The following PABPC4L variants were observed in gnomAD, a reference collection of about 807,000 sequenced individuals.
PABPC4L encodes the protein poly(A) binding protein cytoplasmic 4 like, also known as polyadenylate-binding protein 4-like.
For synonymous variants in PABPC4L, 169 were observed against 164.1 expected (o/e 1.03, Z -0.23); for missense variants, 452 against 451.4 (o/e 1.00, Z -0.01).
chr4:134,188,218 G>C, the PABPC4L span, among the ~76,000 whole-genome samples: 1 of 151,994 alleles, frequency 6.6e-6, no homozygotes, highest in Non-Finnish European at 1.5e-5. Flanking sequence ...CACTTCTGGT[G>C]TAATACAAGG....
At chr4:134,059,826 G>T in the PABPC4L span, among the ~76,000 whole-genome samples, 4 of 151,980 alleles carry the variant, frequency 2.6e-5, no homozygotes, top group African/African-American at 7.3e-5. Flanking sequence ...TCATCTCCCC[G>T]ACAGGAATAC....
At chr4:133,993,729 G>A in the PABPC4L span, among the ~76,000 whole-genome samples, 2 of 152,172 alleles carry the variant, frequency 1.3e-5, no homozygotes, top group Non-Finnish European at 2.9e-5. Flanking sequence ...AAAAATTGAT[G>A]TGATTGAGTG....
the PABPC4L span, among the ~76,000 whole-genome samples, chr4:134,152,843 T>C: frequency 2.0e-5 from 3 of 152,134 alleles, no homozygotes; most frequent in Non-Finnish European, 4.4e-5. Context: ...TCAGAATTGC[T>C]CCTGGTGAGG....
the PABPC4L span, among the ~76,000 whole-genome samples, chr4:134,118,497 G>C: frequency 1.1e-4 from 17 of 151,716 alleles, 1 homozygote; most frequent in African/African-American, 3.6e-4. Flanking sequence ...GACAGTCTAA[G>C]GCAACACTTA....
chr4:133,967,630 A>G, the PABPC4L span, among the ~76,000 whole-genome samples: 1 of 152,230 alleles, frequency 6.6e-6, no homozygotes, highest in African/African-American at 2.4e-5. Context: ...GATCAGGAAA[A>G]TGTTTAGTTG....
At chr4:134,093,965 C>A in the PABPC4L span, among the ~76,000 whole-genome samples, 1 of 151,434 alleles carries the variant, frequency 6.6e-6, no homozygotes, top group Non-Finnish European at 1.5e-5. Context: ...TTAAAAATTT[C>A]TTGCTGCCAT....
chr4:134,102,318 A>C, the PABPC4L span, among the ~76,000 whole-genome samples: 3 of 151,486 alleles, frequency 2.0e-5, no homozygotes, highest in Admixed American at 6.6e-5. Context: ...ATCTTAACTG[A>C]GCTCATAAAA....
At chr4:134,079,715 AAGAG>A in the PABPC4L span, among the ~76,000 whole-genome samples, 7 of 150,598 alleles carry the variant, frequency 4.6e-5, no homozygotes, top group South Asian at 2.1e-4. Flanking sequence ...GAGAGAGAGA[AAGAG>A]AGAGAGATTT....
At chr4:133,986,771 T>G in the PABPC4L span, among the ~76,000 whole-genome samples, 1 of 151,458 alleles carries the variant, frequency 6.6e-6, no homozygotes, top group Non-Finnish European at 1.5e-5. Flanking sequence ...AGTCTTACTC[T>G]GTCACCCAGG....
chr4:133,993,595 G>T, the PABPC4L span, among the ~76,000 whole-genome samples: 3 of 152,170 alleles, frequency 2.0e-5, no homozygotes, highest in Non-Finnish European at 4.4e-5. Context: ...GTCCTCTAGG[G>T]TTAATACCTG....
chr4:134,149,521 T>G, the PABPC4L span, among the ~76,000 whole-genome samples: 1 of 152,110 alleles, frequency 6.6e-6, no homozygotes, highest in East Asian at 1.9e-4. Context: ...GATTAGCAGA[T>G]AGGGGTTGCA....
At chr4:134,097,725 A>C in the PABPC4L span, among the ~76,000 whole-genome samples, 1 of 151,932 alleles carries the variant, frequency 6.6e-6, no homozygotes, top group Non-Finnish European at 1.5e-5. Context: ...CGACTCTAAC[A>C]AAACTTACAT....
chr4:134,133,601 G>A, the PABPC4L span, among the ~76,000 whole-genome samples: 1 of 151,296 alleles, frequency 6.6e-6, no homozygotes, highest in Admixed American at 6.6e-5. Flanking sequence ...AATCATCAAC[G>A]TCGTATGTTC....
chr4:134,155,048 G>T, the PABPC4L span, among the ~76,000 whole-genome samples: 1 of 152,026 alleles, frequency 6.6e-6, no homozygotes, highest in African/African-American at 2.4e-5. Context: ...AGTGATGTCA[G>T]TGTAGAAGCT....
chr4:134,144,706 T>C, the PABPC4L span, among the ~76,000 whole-genome samples: 2 of 151,758 alleles, frequency 1.3e-5, no homozygotes, highest in Non-Finnish European at 3.0e-5. Context: ...CTCGGGACCC[T>C]GCTGTTATTC....
At chr4:134,079,703 GAGAGAGAGAGAA>G in the PABPC4L span, among the ~76,000 whole-genome samples, 7 of 151,128 alleles carry the variant, frequency 4.6e-5, no homozygotes, top group South Asian at 1.3e-3. Flanking sequence ...GTGTGAGAGA[GAGAGAGAGAGAA>G]AGAGAGAGAG....
the PABPC4L span, among the ~76,000 whole-genome samples, chr4:134,191,241 A>G: frequency 6.6e-6 from 1 of 152,074 alleles, no homozygotes; most frequent in Non-Finnish European, 1.5e-5. Context: ...GTCCTACTCT[A>G]TATCTTAACT....
the PABPC4L span, among the ~76,000 whole-genome samples, chr4:134,105,911 A>C: frequency 6.6e-6 from 1 of 151,680 alleles, no homozygotes; most frequent in Non-Finnish European, 1.5e-5. Context: ...AGTCAAGGAG[A>C]CTTGTTAAAA....
At chr4:134,171,814 A>C in the PABPC4L span, among the ~76,000 whole-genome samples, 1 of 152,148 alleles carries the variant, frequency 6.6e-6, no homozygotes, top group East Asian at 1.9e-4. Flanking sequence ...AACTTCAGCA[A>C]AGTTTCAAGA....
Sources: gnomAD v4.1 joint callset for allele counts (sites outside exome capture counted in the v4.1 genomes callset) on GRCh38, gnomAD v4.1.1 for gene constraint, MANE v1.5 for transcripts, NCBI Gene and HGNC (gene_info 2026-07-23, HGNC 2026-07-21) for gene names.